KLHL29: variants seen among roughly 807,000 people sequenced by gnomAD.
KLHL29 encodes the protein kelch-like protein 29.
In KLHL29, 21 loss-of-function variants were observed where a neutral mutation model predicts 80.4. The ratio of observed to expected loss-of-function variants is 0.26; its 90% CI spans 0.19 to 0.38. The LOEUF (loss-of-function observed/expected upper bound fraction) is 0.38. Among genes scored for constraint, KLHL29 ranks in the 10% least tolerant of loss-of-function variants. KLHL29 has a pLI of 1.00. For missense variants in KLHL29, 867 were observed against 1,223.9 expected (o/e 0.71, Z 4.35); for synonymous variants, 511 against 526.8 (o/e 0.97, Z 0.41).
At chr2:23,436,088 G>A (rs970238698) in intron 1 of KLHL29, among the ~76,000 whole-genome samples, 1 of 152,008 alleles carries the variant, frequency 6.6e-6, no homozygotes, top group African/African-American at 2.4e-5. Context: ...TGTGATGGCT[G>A]TTTCCTTAAC....
intron 1 of KLHL29, among the ~76,000 whole-genome samples, chr2:23,470,373 G>T (rs531207346): frequency 6.6e-6 from 1 of 152,318 alleles, no homozygotes; most frequent in East Asian, 1.9e-4. Context: ...GGAGGCCCAG[G>T]AACAAAAGCC....
At chr2:23,491,118 C>T (rs1396133365) in intron 2 of KLHL29, among the ~76,000 whole-genome samples, 1 of 152,148 alleles carries the variant, frequency 6.6e-6, no homozygotes, top group Non-Finnish European at 1.5e-5. Context: ...TCTCCCTCCC[C>T]TTTCCCCCAA....
At chr2:23,402,663 A>G (rs1455728026) in intron 1 of KLHL29, among the ~76,000 whole-genome samples, 2 of 152,222 alleles carry the variant, frequency 1.3e-5, no homozygotes, top group Non-Finnish European at 1.5e-5. Context: ...GGTTGGGGAA[A>G]AGTGGTGTAA....
At position 23,703,736 on chromosome 2, in the gene KLHL29, G is replaced by C; in HGVS notation, c.2317G>C (p.Ala773Pro). 6.5e-7 allele frequency: 1 copy of C among 1,536,836 alleles called. No individual in the cohort carries two copies. The highest frequency in any genetic ancestry group is 8.7e-7 in the Non-Finnish European group (1 of 1,146,678). The change falls in exon 13 of 14, where the codon GCT (alanine) becomes CCT (proline). Residue 773 changes from alanine to proline, a missense_variant. Ala to Pro is a conservative substitution (Grantham distance 27, BLOSUM62 -1). This residue lies in a region of KLHL29 where 443 missense variants were observed against 767.0 expected (regional missense o/e 0.58). Transcript: ENST00000486442. ...SPMIDNKYAP[A>P]VTLNGFVFIL... ...CCTCACAGACAACAAGTATGCCCCC[G>C]CTGTCACGCTCAATGGCTTCGTTTT... is the stretch of plus-strand genomic sequence containing the variant.
At chr2:23,606,525 A>G (rs1251665509) in intron 3 of KLHL29, among the ~76,000 whole-genome samples, 2 of 152,220 alleles carry the variant, frequency 1.3e-5, no homozygotes, top group Non-Finnish European at 2.9e-5. Flanking sequence ...TTCCGTGTTC[A>G]TCCTGACCGA....
rs187646758 is a variant in KLHL29 at position 23,410,246 on chromosome 2, T to G, written c.-154+24466T>G. Among the ~76,000 whole-genome samples the G allele has an allele frequency of 4.1e-3, 605 of 148,392 alleles. 4 individuals carry two copies. Among genetic ancestry groups the G allele is most frequent in the Non-Finnish European group, 6.3e-3 (422 of 67,348 alleles). On this transcript the variant is annotated intron_variant, in intron 1 of 13. Coordinates refer to ENST00000486442, the MANE Select transcript of KLHL29 (RefSeq NM_052920.2). ...CTGTGAAACACTAAGGAAGAAGAAA[T>G]GGGGTACAGTTAGGAGAGGACTGCG... is the stretch of plus-strand genomic sequence containing the variant.
intron 2 of KLHL29, among the ~76,000 whole-genome samples, chr2:23,530,120 G>A (rs1426643537): frequency 6.6e-6 from 1 of 152,124 alleles, no homozygotes; most frequent in African/African-American, 2.4e-5. Flanking sequence ...GTGGTTGAGG[G>A]GTGTACACAG....
chr2:23,475,897 T>C (rs969634248), intron 2 of KLHL29, among the ~76,000 whole-genome samples: 2 of 152,240 alleles, frequency 1.3e-5, no homozygotes, highest in African/African-American at 2.4e-5. Context: ...AGAATATCTA[T>C]GACTCTTTTT....
intron 1 of KLHL29, among the ~76,000 whole-genome samples, chr2:23,400,873 A>G (rs888638622): frequency 6.6e-6 from 1 of 152,232 alleles, no homozygotes; most frequent in Non-Finnish European, 1.5e-5. Context: ...CTTTGTTGCA[A>G]ATAGATCTGG....
intron 5 of KLHL29, among the ~76,000 whole-genome samples, chr2:23,658,182 C>T (rs920760332): frequency 6.6e-6 from 1 of 152,100 alleles, no homozygotes; most frequent in Non-Finnish European, 1.5e-5. Flanking sequence ...CTTCAAGGGT[C>T]CCACCCTCCT....
At chr2:23,652,637 G>C (rs11884816) in intron 5 of KLHL29, among the ~76,000 whole-genome samples, 8,913 of 152,240 alleles carry the variant, frequency 0.059, 941 homozygotes, top group African/African-American at 0.2. Flanking sequence ...GGTGGCCCAG[G>C]GAGACGGACT....
intron 1 of KLHL29, among the ~76,000 whole-genome samples, chr2:23,429,334 A>C (rs1663101681): frequency 6.6e-6 from 1 of 152,148 alleles, no homozygotes; most frequent in Admixed American, 6.5e-5. Flanking sequence ...GTACAATGAT[A>C]TGTGCTCCTC....
chr2:23,576,304 C>CA lies in KLHL29; in HGVS notation c.285+13843dup, dbSNP rs3086869. Reference sequence around the variant, plus strand: ...TGGGCAACAGAGCAAGACTCTATCTCAAAAAAAAAAAAAAAAAAAACGAAA... The same window carrying CA: ...TGGGCAACAGAGCAAGACTCTATCTCAAAAAAAAAAAAAAAAAAAAACGAAA... On this transcript the variant is annotated intron_variant, in intron 3 of 13. Transcript: ENST00000486442. Among the ~76,000 whole-genome samples, 1,120 of 131,436 alleles carry CA rather than the reference C, an allele frequency of 8.5e-3. 8 individuals carry two copies. Among genetic ancestry groups the CA allele is most frequent in the Non-Finnish European group, 0.014 (850 of 62,600 alleles). 86.2% of individuals were successfully genotyped at this position (131,436 alleles called of 152,430 possible).
intron 1 of KLHL29, among the ~76,000 whole-genome samples, chr2:23,450,034 C>CA (rs1424012460): frequency 6.6e-6 from 1 of 152,236 alleles, no homozygotes; most frequent in African/African-American, 2.4e-5. Context: ...TGCTTCTCAA[C>CA]AAAGACAGTC....
intron 1 of KLHL29, among the ~76,000 whole-genome samples, chr2:23,431,212 C>T (rs924790894): frequency 5.3e-5 from 8 of 152,160 alleles, no homozygotes; most frequent in Non-Finnish European, 8.8e-5. Flanking sequence ...CCTACTCTCC[C>T]GAGGCTGGAG....
At chr2:23,487,130 C>T (rs1008388768) in intron 2 of KLHL29, among the ~76,000 whole-genome samples, 8 of 152,130 alleles carry the variant, frequency 5.3e-5, no homozygotes, top group African/African-American at 1.9e-4. Flanking sequence ...CCCACTCCCT[C>T]GTGCGAGCAG....
At chr2:23,640,247 C>T (rs1001541920) in intron 4 of KLHL29, among the ~76,000 whole-genome samples, 2 of 152,200 alleles carry the variant, frequency 1.3e-5, no homozygotes, top group Middle Eastern at 3.2e-3. Context: ...CAATTATGTT[C>T]CCTGCAGACC....
chr2:23,481,401 T>C (rs1254575938), intron 2 of KLHL29, among the ~76,000 whole-genome samples: 1 of 152,254 alleles, frequency 6.6e-6, no homozygotes, highest in Admixed American at 6.5e-5. Context: ...CTGCAATCCT[T>C]TCTGGAACTT....
chr2:23,468,021 C>A (rs1369517867), intron 1 of KLHL29, among the ~76,000 whole-genome samples: 1 of 152,020 alleles, frequency 6.6e-6, no homozygotes, highest in Non-Finnish European at 1.5e-5. Flanking sequence ...AATGAGCAGG[C>A]ATGATCATTA....
Sources: allele counts gnomAD v4.1 joint callset (sites outside exome capture counted in the v4.1 genomes callset), GRCh38; gene constraint gnomAD v4.1.1; regional missense constraint gnomAD v4.1.1; transcripts MANE v1.5; gene names NCBI Gene and HGNC (gene_info 2026-07-23, HGNC 2026-07-21).